Variants in HS6ST2 observed in about 807,000 individuals in gnomAD.
The protein encoded by HS6ST2 is heparan sulfate 6-O-sulfotransferase 2.
In HS6ST2, 17 loss-of-function variants were observed where a neutral mutation model predicts 33.0. The ratio of observed to expected loss-of-function variants is 0.52; its 90% CI spans 0.35 to 0.77. The LOEUF (loss-of-function observed/expected upper bound fraction) is 0.77. Ranked by LOEUF, HS6ST2 falls within the 30% of genes least tolerant of loss-of-function variation. The pLI, the probability that HS6ST2 is intolerant of heterozygous loss-of-function variation, is 0.01. For missense variants in HS6ST2, 519 were observed against 551.7 expected (o/e 0.94, Z 0.59); for synonymous variants, 248 against 237.1 (o/e 1.05, Z -0.42).
intron 3 of HS6ST2, among the ~76,000 whole-genome samples, chrX:132,671,518 A>G (rs2063879553): frequency 9.5e-6 from 1 of 104,961 alleles, no homozygotes; most frequent in African/African-American, 3.5e-5. Flanking sequence ...CTTGGGCACT[A>G]GGGTCCTCTA....
chrX:132,874,639 C>T (rs1212805875), intron 2 of HS6ST2, among the ~76,000 whole-genome samples: 1 of 111,718 alleles, frequency 9.0e-6, no homozygotes, highest in Non-Finnish European at 1.9e-5. Context: ...CCAAAGAGGT[C>T]GGTCATGATA....
At position 132,846,862 on chromosome X, in the gene HS6ST2, A is replaced by G. The variant is rs752524946; in HGVS notation, c.947+109946T>C. ...CTCTCTACTAAGGAAGTCTGGGAGT[A>G]CCAAAAATGTAAAAAAGAAAAAAAA... On this transcript the variant is annotated intron_variant, in intron 2 of 4. Coordinates refer to ENST00000370833, the MANE Select transcript of HS6ST2 (RefSeq NM_001394073.1). Among the ~76,000 whole-genome samples the G allele has an allele frequency of 1.7e-4, 19 of 110,180 alleles. No individual in the cohort carries two copies. In the South Asian group the frequency reaches 6.7e-3, roughly 39 times the overall value.
intron 2 of HS6ST2, among the ~76,000 whole-genome samples, chrX:132,733,873 T>G (rs1233641728): frequency 9.2e-6 from 1 of 108,832 alleles, no homozygotes; most frequent in East Asian, 2.9e-4. Context: ...GCACAGAGAT[T>G]AAGCTACTTA....
chrX:132,859,456 A>G (rs1246138458), intron 2 of HS6ST2, among the ~76,000 whole-genome samples: 1 of 110,934 alleles, frequency 9.0e-6, no homozygotes, highest in East Asian at 2.8e-4. Context: ...AAAGAGCCCC[A>G]GAGTAAAAAT....
At chrX:132,956,641 C>T (rs1229576231) in intron 2 of HS6ST2, among the ~76,000 whole-genome samples, 167 bp downstream of exon 2, 5 of 112,956 alleles carry the variant, frequency 4.4e-5, no homozygotes, top group African/African-American at 1.6e-4. Flanking sequence ...TCTGTGGCCG[C>T]CACAGCGCGG....
rs534268973 is a variant in HS6ST2 at position 132,797,358 on chromosome X, C to G, written c.948-88864G>C. 8.0e-5 allele frequency among the ~76,000 whole-genome samples: 9 copies of G among 111,866 alleles called. No individual in the cohort carries two copies. The South Asian group carries it at 3.4e-3, about 43-fold the overall frequency. Reference sequence around the variant, plus strand: ...CAAGTCAGATGAAAGCTCAAGCCTTCAGACTGCCGAACTGCAGACTGATTA... The same window carrying G: ...CAAGTCAGATGAAAGCTCAAGCCTTGAGACTGCCGAACTGCAGACTGATTA... On this transcript the variant is annotated intron_variant, in intron 2 of 4. Coordinates refer to ENST00000370833, the MANE Select transcript of HS6ST2 (RefSeq NM_001394073.1).
At chrX:132,958,095 C>G (rs775565012) in intron 1 of HS6ST2, 80 bp downstream of exon 1, 24 of 957,913 alleles carry the variant, frequency 2.5e-5, no homozygotes, top group African/African-American at 2.2e-4. Flanking sequence ...TCTCTACCCC[C>G]CGCGGCTGCC....
intron 2 of HS6ST2, among the ~76,000 whole-genome samples, chrX:132,844,643 C>T (rs929253316): frequency 2.7e-5 from 3 of 110,957 alleles, no homozygotes; most frequent in Admixed American, 9.6e-5. Flanking sequence ...ACTTTTCTGG[C>T]CCCCTCCCAA....
intron 2 of HS6ST2, among the ~76,000 whole-genome samples, chrX:132,849,697 C>T (rs769313617): frequency 8.9e-5 from 10 of 111,886 alleles, no homozygotes; most frequent in African/African-American, 2.6e-4. Flanking sequence ...ATTTCTTTTA[C>T]GAACCTCCTA....
intron 2 of HS6ST2, among the ~76,000 whole-genome samples, chrX:132,801,822 T>C (rs1447319549): frequency 1.8e-5 from 2 of 112,345 alleles, no homozygotes; most frequent in African/African-American, 6.5e-5. Flanking sequence ...GAAACCATCT[T>C]CCCAAGTAAG....
rs773294347 is a variant in HS6ST2, at chrX:132,636,383, C to T, written c.1068-7290G>A. ...TGTTATATTTAGCTGTTGTCCCTGA[C>T]TTTTTGTGCAGTATCCCAGTTTAAA... On this transcript the variant is annotated intron_variant, in intron 4 of 4. Coordinates refer to ENST00000370833, the MANE Select transcript of HS6ST2 (RefSeq NM_001394073.1). 1.5e-4 allele frequency among the ~76,000 whole-genome samples: 17 copies of T among 111,742 alleles called. 1 individual carries two copies. The highest frequency in any genetic ancestry group is 4.8e-4 in the Admixed American group (5 of 10,486).
intron 2 of HS6ST2, among the ~76,000 whole-genome samples, chrX:132,888,458 C>T (rs915381835): frequency 1.1e-4 from 12 of 111,849 alleles, no homozygotes; most frequent in African/African-American, 3.2e-4. Context: ...GTCCCTCCCA[C>T]GACACGTGGG....
rs1451520355 is a variant in HS6ST2 at position 132,766,509 on chromosome X, C to A, written c.948-58015G>T. ...GGGGTCCTGACAGTCTAATCCTAGCCCTGCCACTAAACAGGCCAGTTGACC... is the reference window on the plus strand; with the variant it reads ...GGGGTCCTGACAGTCTAATCCTAGCACTGCCACTAAACAGGCCAGTTGACC... On this transcript the variant is annotated intron_variant, in intron 2 of 4. Transcript: ENST00000370833. Among the ~76,000 whole-genome samples, 6 of 111,389 alleles carry A rather than the reference C, an allele frequency of 5.4e-5. No homozygotes were observed. In the Admixed American group the frequency reaches 5.7e-4, roughly 11 times the overall value.
intron 2 of HS6ST2, among the ~76,000 whole-genome samples, chrX:132,888,061 T>C (rs1306074510): frequency 8.9e-6 from 1 of 111,909 alleles, no homozygotes; most frequent in African/African-American, 3.2e-5. Flanking sequence ...TGTGGGGTAA[T>C]GGAAGTGTTC....
At chrX:132,819,561 C>T (rs1043662327) in intron 2 of HS6ST2, among the ~76,000 whole-genome samples, 2 of 111,718 alleles carry the variant, frequency 1.8e-5, no homozygotes, top group African/African-American at 6.5e-5. Context: ...GAGTATGACC[C>T]ATGCTTCCTA....
chrX:132,739,792 T>A (rs1011009148), intron 2 of HS6ST2, among the ~76,000 whole-genome samples: 7 of 110,920 alleles, frequency 6.3e-5, no homozygotes, highest in Non-Finnish European at 1.3e-4. Context: ...TTTTAAAAAA[T>A]ATTATGCCAT....
intron 2 of HS6ST2, among the ~76,000 whole-genome samples, chrX:132,866,113 G>A (rs1488365919): frequency 1.8e-5 from 2 of 110,235 alleles, no homozygotes; most frequent in African/African-American, 6.6e-5. Flanking sequence ...ATGGTTTTAG[G>A]TCTAACGTTT....
intron 3 of HS6ST2, among the ~76,000 whole-genome samples, chrX:132,681,856 T>C (rs1451722679): frequency 8.9e-6 from 1 of 112,105 alleles, no homozygotes; most frequent in Admixed American, 9.4e-5. Context: ...TCCACTCATT[T>C]CTCTATACTA....
intron 2 of HS6ST2, among the ~76,000 whole-genome samples, chrX:132,911,970 C>T (rs2066540286): frequency 9.0e-6 from 1 of 111,489 alleles, no homozygotes; most frequent in African/African-American, 3.3e-5. Flanking sequence ...ATTCTCTCCT[C>T]CTCCAACCAC....
Sources: gnomAD v4.1 joint callset for allele counts (sites outside exome capture counted in the v4.1 genomes callset) on GRCh38, gnomAD v4.1.1 for gene constraint, MANE v1.5 for transcripts, NCBI Gene and HGNC (gene_info 2026-07-23, HGNC 2026-07-21) for gene names.